RCL1: variants seen among roughly 807,000 people sequenced by gnomAD.
RCL1 encodes the protein RNA terminal phosphate cyclase like 1.
In RCL1, 24 loss-of-function variants were observed where a neutral mutation model predicts 42.4. The observed-to-expected ratio is 0.57, with a 90% CI of 0.41 to 0.80. The LOEUF (loss-of-function observed/expected upper bound fraction) is 0.80. RCL1 is among the 30% of genes least tolerant of loss of function. RCL1 has a pLI of 0.00. For synonymous variants in RCL1, 228 were observed against 177.3 expected (o/e 1.29, Z -2.27); for missense variants, 578 against 467.9 (o/e 1.24, Z -2.17).
At chr9:4,827,211 A>G (rs1179497781) in intron 3 of RCL1, 178 bp downstream of exon 3, 4 of 1,530,400 alleles carry the variant, frequency 2.6e-6, no homozygotes, top group Middle Eastern at 4.2e-4. Context: ...AAAACTTAGG[A>G]TCATCAAATT....
At position 4,844,509 on chromosome 9, in the gene RCL1, G is replaced by C; in HGVS notation, c.711-16G>C. On this transcript the variant is annotated splice_polypyrimidine_tract_variant and intron_variant, in intron 6 of 8. Coordinates refer to ENST00000381750, the MANE Select transcript of RCL1 (RefSeq NM_005772.5). ...TTGGTTAAACCTACTCAGTGTTTGTGCCTTTGTATCTCCAGGTCTCCGGGC... is the reference window on the plus strand; with the variant it reads ...TTGGTTAAACCTACTCAGTGTTTGTCCCTTTGTATCTCCAGGTCTCCGGGC... 1 of 1,598,914 alleles carries C rather than the reference G, an allele frequency of 6.3e-7. No homozygotes were observed. The highest frequency in any genetic ancestry group is 8.5e-7 in the Non-Finnish European group (1 of 1,172,322).
At chr9:4,820,435 C>G (rs528867625) in intron 1 of RCL1, among the ~76,000 whole-genome samples, 1 of 152,180 alleles carries the variant, frequency 6.6e-6, no homozygotes, top group Non-Finnish European at 1.5e-5. Flanking sequence ...ACCGGTTTGC[C>G]GTGATCAGGG....
chr9:4,820,019 A>G (rs1025634006), intron 1 of RCL1, among the ~76,000 whole-genome samples: 24 of 152,212 alleles, frequency 1.6e-4, no homozygotes, highest in Admixed American at 5.2e-4. Context: ...TACATCTTTT[A>G]GCTATTTACA....
At position 4,841,318 on chromosome 9, in the gene RCL1, A is replaced by T. The variant is rs757659449; in HGVS notation, c.671A>T (p.Tyr224Phe). ...SILNKFIPDI[Y>F]IYTDHMKGVN... ...CTCAACAAGTTCATACCTGATATCT[A>T]TATTTACACAGATCACATGAAAGGA... The change falls in exon 6 of 9, where the codon TAT (tyrosine) becomes TTT (phenylalanine). Residue 224 changes from tyrosine to phenylalanine, a missense_variant. By Grantham distance (22) the Tyr-to-Phe change is conservative (BLOSUM62 3). Transcript: ENST00000381750. 30 of 1,613,228 alleles carry T rather than the reference A, an allele frequency of 1.9e-5. No homozygotes were observed. The highest frequency in any genetic ancestry group is 2.5e-5 in the Non-Finnish European group (29 of 1,179,198).
intron 5 of RCL1, among the ~76,000 whole-genome samples, chr9:4,835,751 G>T (rs1015757744): frequency 6.6e-6 from 1 of 152,244 alleles, no homozygotes; most frequent in East Asian, 1.9e-4. Flanking sequence ...GCATTTGGCC[G>T]TAAGCCTTGG....
At chr9:4,831,745 C>G (rs1313024901) in intron 3 of RCL1, among the ~76,000 whole-genome samples, 2 of 152,336 alleles carry the variant, frequency 1.3e-5, no homozygotes, top group Middle Eastern at 6.8e-3. Context: ...CCTGCCCCAC[C>G]TGATCCATTC....
chr9:4,828,546 G>GTTTTTTTTTTTTTT (rs35253567), intron 3 of RCL1, among the ~76,000 whole-genome samples: 1 of 145,528 alleles, frequency 6.9e-6, no homozygotes, highest in African/African-American at 2.5e-5. Context: ...TTAATTAAGT[G>GTTTTTTTTTTTTTT]TTTTTTTTTT....
chr9:4,816,849 C>T (rs1312225994), intron 1 of RCL1, among the ~76,000 whole-genome samples: 1 of 152,124 alleles, frequency 6.6e-6, no homozygotes, highest in Non-Finnish European at 1.5e-5. Context: ...TGGAGTCTCG[C>T]TCTGTCGTCC....
At chr9:4,832,844 T>A (rs1210634569) in intron 3 of RCL1, among the ~76,000 whole-genome samples, 1 of 148,720 alleles carries the variant, frequency 6.7e-6, no homozygotes, top group Non-Finnish European at 1.5e-5. Context: ...GGGTTCTCCA[T>A]TTGTTTTCTA....
intron 7 of RCL1, among the ~76,000 whole-genome samples, chr9:4,846,305 A>C (rs1387403996): frequency 6.6e-6 from 1 of 152,210 alleles, no homozygotes; most frequent in Non-Finnish European, 1.5e-5. Context: ...TCAGGAGAGT[A>C]GCTCCAGCCC....
At chr9:4,823,511 G>T in intron 1 of RCL1, 37 bp from the exon 2 acceptor site, 1 of 1,530,848 alleles carries the variant, frequency 6.5e-7, no homozygotes, top group Non-Finnish European at 9.0e-7. Flanking sequence ...AGGACAGTCT[G>T]TCTTCTCTTT....
In RCL1 at chr9:4,844,605, A is replaced by C. The variant is rs768604424; in HGVS notation, c.791A>C (p.Gln264Pro). The part of the protein sequence containing the change: ...FLSAELASNP[Q>P]GQGAAVLPED... ...AGTGCTGAACTGGCCTCCAACCCCC[A>C]GGGCCAGGGAGCAGCAGTACTTCCA... Residue 264 changes from glutamine (Q) to proline (P), a missense_variant, in exon 7 of 9, where the codon CAG becomes CCG. Coordinates refer to ENST00000381750, the MANE Select transcript of RCL1 (RefSeq NM_005772.5). The C allele has an allele frequency of 1.2e-6, 2 of 1,613,920 alleles. No individual in the cohort carries two copies. The highest frequency in any genetic ancestry group is 2.7e-5 in the African/African-American group (2 of 74,926).
At chr9:4,837,057 G>C (rs1425422461) in intron 5 of RCL1, among the ~76,000 whole-genome samples, 1 of 152,102 alleles carries the variant, frequency 6.6e-6, no homozygotes, top group Non-Finnish European at 1.5e-5. Context: ...CATTGCCCAG[G>C]TGACTTTCTA....
At chr9:4,803,462 T>C (rs989006038) in intron 1 of RCL1, among the ~76,000 whole-genome samples, 1 of 152,150 alleles carries the variant, frequency 6.6e-6, no homozygotes, top group Admixed American at 6.6e-5. Context: ...TCCCCTCAAC[T>C]TAGGGATTTC....
intron 1 of RCL1, among the ~76,000 whole-genome samples, chr9:4,794,786 C>T (rs1432141950): frequency 6.6e-6 from 1 of 152,100 alleles, no homozygotes; most frequent in Non-Finnish European, 1.5e-5. Flanking sequence ...TCCTTCTCCC[C>T]CTCCACTGTA....
intron 1 of RCL1, among the ~76,000 whole-genome samples, chr9:4,794,113 A>T (rs1168901428): frequency 2.6e-5 from 4 of 152,044 alleles, no homozygotes; most frequent in Non-Finnish European, 5.9e-5. Context: ...AAAGGAAAAA[A>T]CCTGTCTGTA....
intron 1 of RCL1, among the ~76,000 whole-genome samples, chr9:4,795,524 T>C (rs1365180757): frequency 6.6e-6 from 1 of 152,230 alleles, no homozygotes; most frequent in Admixed American, 6.5e-5. Context: ...CCCTGACACA[T>C]GATTTCTGGT....
At chr9:4,837,361 G>C (rs1416549708) in intron 5 of RCL1, among the ~76,000 whole-genome samples, 1 of 152,090 alleles carries the variant, frequency 6.6e-6, no homozygotes, top group Non-Finnish European at 1.5e-5. Flanking sequence ...AGTGTAATAA[G>C]TGTATAGGAA....
At chr9:4,833,255 A>G in intron 4 of RCL1, 27 bp downstream of exon 4, 2 of 1,546,702 alleles carry the variant, frequency 1.3e-6, no homozygotes, top group South Asian at 1.1e-5. Flanking sequence ...TGTTGACCAT[A>G]TGTTCCTGTG....
Sources: gnomAD v4.1 joint callset for allele counts (sites outside exome capture counted in the v4.1 genomes callset) on GRCh38, gnomAD v4.1.1 for gene constraint, MANE v1.5 for transcripts, NCBI Gene and HGNC (gene_info 2026-07-23, HGNC 2026-07-21) for gene names.